The following ASB8 variants were observed in gnomAD, a reference collection of about 807,000 sequenced individuals.
The protein encoded by ASB8 is ankyrin repeat and SOCS box containing 8.
ASB8 carries 15 observed loss-of-function variants against 22.9 expected under a neutral mutation model. The observed-to-expected ratio is 0.66, with a 90% CI of 0.44 to 1.01. The LOEUF (loss-of-function observed/expected upper bound fraction) is 1.01. Among genes scored for constraint, ASB8 ranks in the 50% least tolerant of loss-of-function variants. ASB8 has a pLI of 0.00. For missense variants in ASB8, 294 were observed against 356.9 expected, an observed-to-expected ratio of 0.82 and a Z score of 1.42; for synonymous variants, 124 against 140.8, an observed-to-expected ratio of 0.88 and a Z score of 0.84.
At position 48,150,206 on chromosome 12, in the gene ASB8, A is replaced by C. The variant is rs542176521; in HGVS notation, c.235-208T>G. On this transcript the variant is annotated intron_variant, in intron 3 of 3. Coordinates refer to ENST00000317697, the MANE Select transcript of ASB8 (RefSeq NM_024095.5). ...AAAAGGAAAAGAACTGTCCTCAAAC[A>C]GTCAACACTATTATGTGCACTGACT... 9.9e-6 allele frequency: 7 copies of C among 708,032 alleles called. No homozygotes were observed. In the African/African-American group the frequency reaches 1.2e-4, roughly 12 times the overall value. 43.9% of individuals were successfully genotyped at this position (708,032 alleles called of 1,614,324 possible). A position where few individuals can be genotyped will look rare whatever the true frequency, so the allele number is the denominator to read the frequency against.
intron 2 of ASB8, 74 bp downstream of exon 2, chr12:48,153,294 G>A: frequency 1.3e-6 from 2 of 1,553,500 alleles, no homozygotes; most frequent in Non-Finnish European, 1.8e-6. Context: ...AGTCAAAGCT[G>A]CAAATCTGTG....
Position 48,149,808 on chromosome 12 carries a change from GC to G in ASB8, c.424del (p.Ala142ProfsTer19). The G allele has an allele frequency of 6.2e-7, 1 of 1,614,004 alleles. No individual in the cohort carries two copies. Among genetic ancestry groups the G allele is most frequent in the Non-Finnish European group, 8.5e-7 (1 of 1,179,904 alleles). ...GTTGTAATCCAGGGCATTGACAGAG[GC>G]CCCGCTCTCTAGGAGAGCCCGCACA... ...ECVRALLESGASVNALDYNND... is the reference protein window; with the variant it reads ...ECVRALLESGXSVNALDYNND... On this transcript the variant is annotated frameshift_variant, in exon 4 of 4. Coordinates refer to ENST00000317697, the MANE Select transcript of ASB8 (RefSeq NM_024095.5). LOFTEE classifies it high-confidence loss of function.
chr12:48,156,884 T>C (rs1441725882), intron 1 of ASB8, among the ~76,000 whole-genome samples: 3 of 151,818 alleles, frequency 2.0e-5, no homozygotes, highest in Non-Finnish European at 4.4e-5. Context: ...TTTGATCCCC[T>C]TGGAAGGCCC....
Position 48,149,377 on chromosome 12 carries a change from G to A in ASB8, c.856C>T (p.Leu286Phe), listed in dbSNP as rs1458851392. The change falls in exon 4 of 4, where the codon CTT becomes TTT. Residue 286 changes from leucine to phenylalanine, a missense_variant. Leu to Phe is a conservative substitution (Grantham distance 22). Coordinates refer to ENST00000317697, the MANE Select transcript of ASB8 (RefSeq NM_024095.5). ...AACATCTTCTCCGGCTATTCTAAAA[G>A]TAACAGGTATTCCTTCAAAGAAGCT... is the stretch of plus-strand genomic sequence containing the variant. ...LPASLKEYLLLLE is the reference protein window; with the variant it reads ...LPASLKEYLLFLE 1 of 1,613,660 alleles carries A rather than the reference G, an allele frequency of 6.2e-7. No homozygotes were observed. The highest frequency in any genetic ancestry group is 1.7e-5 in the Admixed American group (1 of 60,002).
chr12:48,151,653 T>C (rs1404900355), intron 2 of ASB8: 4 of 1,358,248 alleles, frequency 2.9e-6, no homozygotes, highest in Middle Eastern at 3.9e-4. Flanking sequence ...CCACTTTCTA[T>C]GGCCACCATG....
chr12:48,149,309 C>G lies in ASB8; in HGVS notation c.*57G>C. On this transcript the variant is annotated 3_prime_UTR_variant, in exon 4 of 4. Transcript: ENST00000317697. ...TTTCTGTTTTCTGTGACAAGGAGTA[C>G]TGCAGGGACAACCTCACCCAGAGCT... 1 of 1,520,726 alleles carries G rather than the reference C, an allele frequency of 6.6e-7. No individual in the cohort carries two copies. The highest frequency in any genetic ancestry group is 1.2e-5 in the South Asian group (1 of 82,382). The allele number at this position is 1,520,726 out of a possible 1,614,324, so 94.2% of individuals were successfully genotyped here. A position where few individuals can be genotyped will look rare whatever the true frequency, so the allele number is the denominator to read the frequency against.
chr12:48,149,276 C>T lies in ASB8; in HGVS notation c.*90G>A. On this transcript the variant is annotated 3_prime_UTR_variant, in exon 4 of 4. Coordinates refer to ENST00000317697, the MANE Select transcript of ASB8 (RefSeq NM_024095.5). ...AAATCTATAAACCACACAACAGGAA[C>T]AACTGTTTTTCTGTTTTCTGTGACA... The T allele has an allele frequency of 7.3e-7, 1 of 1,361,742 alleles. No individual in the cohort carries two copies. 84.4% of individuals were successfully genotyped at this position (1,361,742 alleles called of 1,614,324 possible).
At chr12:48,153,699 A>G (rs943195263) in intron 1 of ASB8, 170 bp from the exon 2 acceptor site, 16 of 478,182 alleles carry the variant, frequency 3.3e-5, no homozygotes, top group Non-Finnish European at 4.8e-5. Context: ...GGAGTTGGAT[A>G]AACCTGGACA....
chr12:48,150,781 G>A (rs1565927189), intron 3 of ASB8: 3 of 212,308 alleles, frequency 1.4e-5, no homozygotes, highest in Non-Finnish European at 2.8e-5. Flanking sequence ...AGTACTTTAA[G>A]TACTTTTAAG....
At chr12:48,152,998 C>T in intron 2 of ASB8, 1 of 190,302 alleles carries the variant, frequency 5.3e-6, no homozygotes, top group South Asian at 1.0e-4. Flanking sequence ...AAGTGAAGCC[C>T]TGTCTCAACA....
In ASB8 at chr12:48,149,077, T is replaced by C. The variant is rs546502756; in HGVS notation, c.*289A>G. On this transcript the variant is annotated 3_prime_UTR_variant, in exon 4 of 4. Transcript: ENST00000317697. ...TTCCTAGAGAAATTTAGTTACACTG[T>C]TGACTCCTTCCCTAAAGGGGAGGAT... 60 of 427,600 alleles carry C rather than the reference T, an allele frequency of 1.4e-4. No homozygotes were observed. Among genetic ancestry groups the C allele is most frequent in the Non-Finnish European group, 2.5e-4 (59 of 238,838 alleles). The allele number at this position is 427,600 out of a possible 1,614,324, so 26.5% of individuals were successfully genotyped here. A position where few individuals can be genotyped will look rare whatever the true frequency, so the allele number is the denominator to read the frequency against.
rs1951139510 is a variant in ASB8 at position 48,148,657 on chromosome 12, G to GTTTT, written c.*708_*709insAAAA. ...AGTTTTTTCACAGATCAATTAAAAT[G>GTTTT]GTTTTTTTTTTTTTTTTTTTTTTTT... On this transcript the variant is annotated 3_prime_UTR_variant, in exon 4 of 4. Coordinates refer to ENST00000317697, the MANE Select transcript of ASB8 (RefSeq NM_024095.5). 1 of 103,196 alleles carries GTTTT rather than the reference G, an allele frequency of 9.7e-6. No homozygotes were observed. The highest frequency in any genetic ancestry group is 3.5e-5 in the African/African-American group (1 of 28,202). The allele number at this position is 103,196 out of a possible 1,614,324, so 6.4% of individuals were successfully genotyped here.
chr12:48,155,378 A>G (rs1231686581), intron 1 of ASB8, among the ~76,000 whole-genome samples: 1 of 152,218 alleles, frequency 6.6e-6, no homozygotes, highest in East Asian at 1.9e-4. Flanking sequence ...TCAAGACTTG[A>G]AATAAATAAG....
intron 2 of ASB8, chr12:48,151,578 A>G (rs1205883850): frequency 6.8e-7 from 1 of 1,474,320 alleles, no homozygotes; most frequent in African/African-American, 1.4e-5. Flanking sequence ...GACATCACTG[A>G]AGACAATCTT....
At position 48,148,382 on chromosome 12, in the gene ASB8, T is replaced by C. The variant is rs1951135660; in HGVS notation, c.*984A>G. The C allele has an allele frequency of 6.6e-6, 1 of 152,238 alleles. No homozygotes were observed. 9.4% of individuals were successfully genotyped at this position (152,238 alleles called of 1,614,324 possible). A position where few individuals can be genotyped will look rare whatever the true frequency, so the allele number is the denominator to read the frequency against. ...GTTCTTAGGACTGTTATTTCAGAGC[T>C]ATTTATTACTGTTATTACAGAGCTC... On this transcript the variant is annotated 3_prime_UTR_variant, in exon 4 of 4. Transcript: ENST00000317697.
In ASB8 at chr12:48,149,281, GT is replaced by G. The variant is rs1170108238; in HGVS notation, c.*84del. 5.7e-6 allele frequency: 8 copies of G among 1,394,098 alleles called. No individual in the cohort carries two copies. The highest frequency in any genetic ancestry group is 2.9e-5 in the African/African-American group (2 of 69,184). 86.4% of individuals were successfully genotyped at this position (1,394,098 alleles called of 1,614,324 possible). ...TATAAACCACACAACAGGAACAACT[GT>G]TTTTCTGTTTTCTGTGACAAGGAGT... On this transcript the variant is annotated 3_prime_UTR_variant, in exon 4 of 4. Transcript: ENST00000317697.
rs529802021 is a variant in ASB8 at position 48,156,455 on chromosome 12, G to C, written c.-34+1004C>G. Among the ~76,000 whole-genome samples, 3 of 152,178 alleles carry C rather than the reference G, an allele frequency of 2.0e-5. No homozygotes were observed. In the East Asian group the frequency reaches 5.9e-4, roughly 30 times the overall value. Reference sequence around the variant, plus strand: ...ATTCCAAGAATGGCAGCAGAAGACAGAGCATCTAAAGCAGGAGGCTTGGAC... The same window carrying C: ...ATTCCAAGAATGGCAGCAGAAGACACAGCATCTAAAGCAGGAGGCTTGGAC... On this transcript the variant is annotated intron_variant, in intron 1 of 3. Transcript: ENST00000317697.
In ASB8 at chr12:48,149,758, C is replaced by T; in HGVS notation, c.475G>A (p.Ala159Thr). ...ACACTCTCAAGATTTCCCTTCATGG[C>T]AGCCCAGCTGAGCGGTGTATCATTG... Reference protein sequence around the residue: ...YNNDTPLSWAAMKGNLESVSI... With the variant: ...YNNDTPLSWATMKGNLESVSI... Residue 159 changes from alanine (A) to threonine (T), a missense_variant, in exon 4 of 4, where the codon GCC (alanine) becomes ACC (threonine). Transcript: ENST00000317697. 1 of 1,614,192 alleles carries T rather than the reference C, an allele frequency of 6.2e-7. No homozygotes were observed. The highest frequency in any genetic ancestry group is 8.5e-7 in the Non-Finnish European group (1 of 1,180,036).
At chr12:48,150,797 T>A (rs1043808439) in intron 3 of ASB8, 1 of 243,718 alleles carries the variant, frequency 4.1e-6, no homozygotes, top group Non-Finnish European at 7.8e-6. Context: ...TTAAGGGTAC[T>A]TTAGATTTAA....
Sources: allele counts gnomAD v4.1 joint callset (sites outside exome capture counted in the v4.1 genomes callset), GRCh38; gene constraint gnomAD v4.1.1; transcripts MANE v1.5; gene names NCBI Gene and HGNC (gene_info 2026-07-23, HGNC 2026-07-21).